The following NT5DC3 variants were observed in gnomAD, a reference collection of about 807,000 sequenced individuals.
NT5DC3 encodes 5'-nucleotidase domain containing 3.
A neutral mutation model predicts 67.8 loss-of-function variants in NT5DC3; 42 were observed. The ratio of observed to expected loss-of-function variants is 0.62; its 90% CI spans 0.48 to 0.80. The LOEUF is 0.80. Among genes scored for constraint, NT5DC3 ranks in the 30% least tolerant of loss-of-function variants. The pLI is 0.00. For synonymous variants in NT5DC3, 237 were observed against 255.6 expected (o/e 0.93, Z 0.69); for missense variants, 570 against 696.4 (o/e 0.82, Z 2.04).
chr12:103,828,871 G>A (rs757857768), intron 1 of NT5DC3, among the ~76,000 whole-genome samples: 12 of 151,794 alleles, frequency 7.9e-5, no homozygotes, highest in East Asian at 1.9e-4. Context: ...GTTAATTTTC[G>A]TATTTTTAGT....
chr12:103,800,146 T>C (rs1182830462), intron 4 of NT5DC3, among the ~76,000 whole-genome samples: 2 of 152,270 alleles, frequency 1.3e-5, no homozygotes, highest in Non-Finnish European at 2.9e-5. Context: ...ATATCATTTA[T>C]GTTTTGATAT....
At chr12:103,746,544 T>G in the NT5DC3 span, 1 of 1,573,010 alleles carries the variant, frequency 6.4e-7, no homozygotes, top group Non-Finnish European at 8.7e-7. Context: ...CTTAGATGGG[T>G]TTTAACTCTT....
intron 6 of NT5DC3, among the ~76,000 whole-genome samples, chr12:103,794,427 G>A (rs1886220124): frequency 6.6e-6 from 1 of 152,192 alleles, no homozygotes; most frequent in Non-Finnish European, 1.5e-5. Flanking sequence ...TGGGATTGCA[G>A]GCATGAGCCA....
chr12:103,826,483 T>C (rs991494787), intron 1 of NT5DC3, among the ~76,000 whole-genome samples: 1 of 152,242 alleles, frequency 6.6e-6, no homozygotes, highest in Non-Finnish European at 1.5e-5. Context: ...AGAAAGCCAT[T>C]GCTGGCTTTG....
At chr12:103,762,200 C>A in the NT5DC3 span, 1 of 1,584,280 alleles carries the variant, frequency 6.3e-7, no homozygotes, top group Non-Finnish European at 8.6e-7. Context: ...CAGAATGCCT[C>A]GGGCCACCAA....
In NT5DC3 at chr12:103,793,996, T is replaced by C. The variant is rs1886187337; in HGVS notation, c.755A>G (p.Asp252Gly). Residue 252 changes from aspartate (D) to glycine (G), a missense_variant and splice_region_variant, in exon 7 of 14, where the codon GAT (aspartate) becomes GGT (glycine). Physicochemically the swap from Asp to Gly is moderately conservative, Grantham distance 94. This residue lies in a region of NT5DC3 where 466 missense variants were observed against 608.0 expected (regional missense o/e 0.77). Transcript: ENST00000392876. ...EPVHLYKDVK[D>G]SIRDVHIKGI... ...TTTGATGTGGACGTCTCGAATTGAATCCTGCCAAAAGATACATTTTTAATC... is the reference window on the plus strand; with the variant it reads ...TTTGATGTGGACGTCTCGAATTGAACCCTGCCAAAAGATACATTTTTAATC... The C allele has an allele frequency of 1.2e-6, 2 of 1,613,260 alleles. No homozygotes were observed. Among genetic ancestry groups the C allele is most frequent in the Non-Finnish European group, 1.7e-6 (2 of 1,179,300 alleles).
intron 1 of NT5DC3, among the ~76,000 whole-genome samples, chr12:103,816,245 CAATCGTGGCTCCCT>C (rs1887246301): frequency 1.3e-5 from 2 of 152,158 alleles, no homozygotes; most frequent in Non-Finnish European, 2.9e-5. Context: ...TTATACCTAC[CAATCGTGGCTCCCT>C]AATCAAAAAG....
the NT5DC3 span, among the ~76,000 whole-genome samples, chr12:103,764,618 C>T: frequency 2.0e-5 from 3 of 152,084 alleles, no homozygotes; most frequent in Non-Finnish European, 4.4e-5. Flanking sequence ...TGTTTTCTTC[C>T]ACCATGTTGA....
chr12:103,827,221 G>T (rs1007623459), intron 1 of NT5DC3, among the ~76,000 whole-genome samples: 2 of 151,952 alleles, frequency 1.3e-5, no homozygotes, highest in Admixed American at 6.6e-5. Context: ...CTTCAGCCTG[G>T]GAGTCAGAGT....
At chr12:103,766,634 T>TAAGC (rs1884985472), downstream of NT5DC3, 1 of 342,844 alleles carries the variant, frequency 2.9e-6, no homozygotes, top group South Asian at 3.7e-5. Context: ...TGTTAGATTG[T>TAAGC]AAGCCTCCGT....
chr12:103,815,953 G>GA (rs550330825), intron 1 of NT5DC3, among the ~76,000 whole-genome samples: 86 of 152,058 alleles, frequency 5.7e-4, no homozygotes, highest in African/African-American at 2.0e-3. Flanking sequence ...TCACCACCCA[G>GA]AAAAAAACTA....
rs1213607638 is a variant in NT5DC3, at chr12:103,776,217, T to A, written c.*1612A>T. 1.3e-5 allele frequency: 2 copies of A among 152,098 alleles called. No homozygotes were observed. Among genetic ancestry groups the A allele is most frequent in the Non-Finnish European group, 2.9e-5 (2 of 68,020 alleles). 9.4% of individuals were successfully genotyped at this position (152,098 alleles called of 1,614,324 possible). A position where few individuals can be genotyped will look rare whatever the true frequency, so the allele number is the denominator to read the frequency against. ...GCAGGTGCAATTAAGGATTCTTCCC[T>A]CCAACAAAAGGAATACATGCCACTT... On this transcript the variant is annotated 3_prime_UTR_variant, in exon 14 of 14. Coordinates refer to ENST00000392876, the MANE Select transcript of NT5DC3 (RefSeq NM_001031701.3).
chr12:103,813,573 T>C (rs1400259416), intron 2 of NT5DC3, among the ~76,000 whole-genome samples: 2 of 152,196 alleles, frequency 1.3e-5, no homozygotes, highest in Non-Finnish European at 2.9e-5. Flanking sequence ...GATCCAAAAC[T>C]AAGGAGAACT....
chr12:103,755,645 G>T, the NT5DC3 span: 1 of 1,614,076 alleles, frequency 6.2e-7, no homozygotes, highest in Non-Finnish European at 8.5e-7. Flanking sequence ...GGCTATGTGG[G>T]AGATGGCTTC....
At chr12:103,759,011 T>C in the NT5DC3 span, 1 of 1,517,568 alleles carries the variant, frequency 6.6e-7, no homozygotes, top group African/African-American at 1.4e-5. Flanking sequence ...TTTCCTGATC[T>C]CCACATGGAG....
chr12:103,838,123 G>A (rs543887260), intron 1 of NT5DC3, among the ~76,000 whole-genome samples: 43 of 152,280 alleles, frequency 2.8e-4, no homozygotes, highest in Non-Finnish European at 5.9e-4. Context: ...GGAAACCCCT[G>A]ATAAACTCAT....
At chr12:103,762,020 G>A in the NT5DC3 span, among the ~76,000 whole-genome samples, 77 of 152,248 alleles carry the variant, frequency 5.1e-4, 1 homozygote, top group East Asian at 0.013. Context: ...GTGATATCGG[G>A]CAAGTGCTTC....
At chr12:103,805,722 T>C (rs907055902) in intron 4 of NT5DC3, among the ~76,000 whole-genome samples, 12 of 151,866 alleles carry the variant, frequency 7.9e-5, no homozygotes, top group Admixed American at 7.9e-4. Flanking sequence ...GGCATGTGCC[T>C]GTAGTCCCAG....
chr12:103,793,532 TCA>T lies in NT5DC3; in HGVS notation c.815-22_815-21del, dbSNP rs777977699. 3 of 1,545,100 alleles carry T rather than the reference TCA, an allele frequency of 1.9e-6. No homozygotes were observed. Among genetic ancestry groups the T allele is most frequent in the African/African-American group, 2.7e-5 (2 of 73,614 alleles). On this transcript the variant is annotated intron_variant, in intron 7 of 13. Coordinates refer to ENST00000392876, the MANE Select transcript of NT5DC3 (RefSeq NM_001031701.3). ...ACTTTTCTAAGAGCAAGAGAAAAAT[TCA>T]CACACAGATTCAGCATGATATTTGT...
Sources: gnomAD v4.1 joint callset for allele counts (sites outside exome capture counted in the v4.1 genomes callset) on GRCh38, gnomAD v4.1.1 for gene constraint, gnomAD v4.1.1 regional missense constraint, MANE v1.5 for transcripts, NCBI Gene and HGNC (gene_info 2026-07-23, HGNC 2026-07-21) for gene names.